Variants in JADE3 observed in about 807,000 individuals in gnomAD.
The protein encoded by JADE3 is jade family PHD finger 3.
A neutral mutation model predicts 50.1 loss-of-function variants in JADE3; 2 were observed. The ratio of observed to expected loss-of-function variants is 0.04; its 90% CI spans 0.02 to 0.13. JADE3 has a LOEUF of 0.13. Among genes scored for constraint, JADE3 ranks in the 10% least tolerant of loss-of-function variants. The pLI is 1.00. For synonymous variants in JADE3, 218 were observed against 232.9 expected (o/e 0.94, Z 0.58); for missense variants, 475 against 634.4 (o/e 0.75, Z 2.70).
In JADE3 at chrX:46,974,067, C is replaced by T. The variant is rs373827865; in HGVS notation, c.-11-10817C>T. On this transcript the variant is annotated intron_variant, in intron 1 of 10. Coordinates refer to ENST00000614628, the MANE Select transcript of JADE3 (RefSeq NM_014735.5). ...TGCACTCCAGCCTGGGCAACAAGAGCGAAACTCCATCTCAGAAAACAAAAC... is the reference window on the plus strand; with the variant it reads ...TGCACTCCAGCCTGGGCAACAAGAGTGAAACTCCATCTCAGAAAACAAAAC... 7.3e-4 allele frequency among the ~76,000 whole-genome samples: 77 copies of T among 105,702 alleles called. No homozygotes were observed. In the South Asian group the frequency reaches 0.028, roughly 38 times the overall value. 91.8% of individuals were successfully genotyped at this position (105,702 alleles called of 115,157 possible).
rs782162303 is a variant in JADE3 at position 47,028,326 on chromosome X, G to C, written c.687+223G>C. Reference sequence around the variant, plus strand: ...ATGGGGCTAAACCCAGGTCTTTATTGTGTCACTTTATGCCCAGACCATTGG... The same window carrying C: ...ATGGGGCTAAACCCAGGTCTTTATTCTGTCACTTTATGCCCAGACCATTGG... On this transcript the variant is annotated intron_variant, in intron 6 of 10. Transcript: ENST00000614628. 4.5e-5 allele frequency among the ~76,000 whole-genome samples: 5 copies of C among 110,055 alleles called. No individual in the cohort carries two copies. In the Admixed American group the frequency reaches 4.8e-4, roughly 11 times the overall value.
chrX:47,045,023 G>A (rs936668053), intron 8 of JADE3, among the ~76,000 whole-genome samples: 14 of 111,232 alleles, frequency 1.3e-4, no homozygotes, highest in Non-Finnish European at 2.6e-4. Flanking sequence ...AAGAAGGAAG[G>A]AAGAAAAGAC....
chrX:46,965,024 G>T (rs1556348668), intron 1 of JADE3, among the ~76,000 whole-genome samples: 1 of 111,753 alleles, frequency 8.9e-6, no homozygotes, highest in Non-Finnish European at 1.9e-5. Flanking sequence ...CTTTAAAAGT[G>T]ATAATAAAGT....
At chrX:47,038,255 A>G (rs1294041372) in intron 7 of JADE3, among the ~76,000 whole-genome samples, 2 of 111,766 alleles carry the variant, frequency 1.8e-5, no homozygotes, top group African/African-American at 6.5e-5. Flanking sequence ...TGCAAAAAAT[A>G]TGGGAGTGCA....
chrX:47,048,376 C>T (rs1929423132), intron 8 of JADE3, among the ~76,000 whole-genome samples: 1 of 111,746 alleles, frequency 8.9e-6, no homozygotes, highest in Non-Finnish European at 1.9e-5. Flanking sequence ...AAACATATAT[C>T]CACACAAAAA....
At chrX:47,003,903 A>G (rs1206372725) in intron 4 of JADE3, among the ~76,000 whole-genome samples, 2 of 102,084 alleles carry the variant, frequency 2.0e-5, no homozygotes, top group African/African-American at 3.5e-5. Context: ...TTTATTATAT[A>G]TATAAATTTA....
chrX:47,057,023 A>T, intron 10 of JADE3, among the ~76,000 whole-genome samples: 1 of 111,948 alleles, frequency 8.9e-6, no homozygotes, highest in Non-Finnish European at 1.9e-5. Context: ...GTCTCAACAG[A>T]GTAGTGTAGC....
At chrX:47,024,973 C>A in intron 5 of JADE3, 59 bp downstream of exon 5, 1 of 626,830 alleles carries the variant, frequency 1.6e-6, no homozygotes, top group South Asian at 3.7e-5. Flanking sequence ...TTTAAGTTAT[C>A]AGAACCCTTT....
chrX:46,998,254 C>A lies in JADE3; in HGVS notation c.261C>A (p.Asp87Glu), dbSNP rs782123950. 1.7e-6 allele frequency: 2 copies of A among 1,208,217 alleles called. No homozygotes were observed. The highest frequency in any genetic ancestry group is 2.2e-6 in the Non-Finnish European group (2 of 893,536). Residue 87 changes from aspartate to glutamate, a missense_variant, in exon 4 of 11, where the codon GAC becomes GAA. This residue lies in a region of JADE3 where 54 missense variants were observed against 51.8 expected (regional missense o/e 1.04). Coordinates refer to ENST00000614628, the MANE Select transcript of JADE3 (RefSeq NM_014735.5). ...EKGVQVPASPDTVPQPSLRII... is the reference protein window; with the variant it reads ...EKGVQVPASPETVPQPSLRII... ...GAGTCCAGGTACCAGCCAGTCCAGA[C>A]ACCGTTCCACAGCCTTCTCTCAGGT...
At chrX:47,011,300 G>A (rs1048123098) in intron 4 of JADE3, among the ~76,000 whole-genome samples, 85 of 112,106 alleles carry the variant, frequency 7.6e-4, no homozygotes, top group African/African-American at 2.6e-3. Flanking sequence ...AAGTTCATCC[G>A]TGTTATATGT....
intron 1 of JADE3, among the ~76,000 whole-genome samples, chrX:46,925,028 C>T (rs1315146478): frequency 9.0e-6 from 1 of 111,693 alleles, no homozygotes; most frequent in Non-Finnish European, 1.9e-5. Context: ...CCAAGGGGTC[C>T]CCAAGGGCAG....
At chrX:47,013,976 G>A (rs782818656) in intron 4 of JADE3, among the ~76,000 whole-genome samples, 45 of 111,944 alleles carry the variant, frequency 4.0e-4, no homozygotes, top group African/African-American at 1.4e-3. Flanking sequence ...ACCCACTTTT[G>A]CTTTGACTGG....
intron 1 of JADE3, among the ~76,000 whole-genome samples, chrX:46,953,682 G>A (rs1332169748): frequency 8.9e-6 from 1 of 112,098 alleles, no homozygotes; most frequent in African/African-American, 3.2e-5. Context: ...CTAAGAGTAA[G>A]CAGATTAGCT....
At chrX:46,970,732 C>T (rs1927464829) in intron 1 of JADE3, among the ~76,000 whole-genome samples, 1 of 111,459 alleles carries the variant, frequency 9.0e-6, no homozygotes, top group Admixed American at 9.5e-5. Flanking sequence ...GTTTACATGC[C>T]TCACATATAA....
Position 47,024,758 on chromosome X carries a change from A to T in JADE3, c.319A>T (p.Ile107Phe). Residue 107 changes from isoleucine to phenylalanine, a missense_variant, in exon 5 of 11, where the codon ATC (isoleucine) becomes TTC (phenylalanine). Around this residue, in one of 6 missense-constraint regions of JADE3, gnomAD observed 54 missense variants for 51.8 expected, o/e 1.04. Transcript: ENST00000614628. ...IAEKVKDVLF[I>F]RPRKYIHCSS... ...TGAGAAGGTAAAGGACGTTCTGTTT[A>T]TCCGACCCCGGAAGTATATTCACTG... 1 of 1,199,169 alleles carries T rather than the reference A, an allele frequency of 8.3e-7. No homozygotes were observed. The highest frequency in any genetic ancestry group is 3.0e-5 in the East Asian group (1 of 33,648).
At chrX:47,022,850 G>C (rs1928825125) in intron 4 of JADE3, among the ~76,000 whole-genome samples, 1 of 110,704 alleles carries the variant, frequency 9.0e-6, no homozygotes. Flanking sequence ...TGAGCCCTTG[G>C]ATGTCAGGAA....
intron 1 of JADE3, among the ~76,000 whole-genome samples, chrX:46,969,249 C>G (rs1927431939): frequency 9.1e-6 from 1 of 110,236 alleles, no homozygotes; most frequent in South Asian, 3.9e-4. Flanking sequence ...AATCCCCTCT[C>G]TACTAAAAAT....
intron 4 of JADE3, among the ~76,000 whole-genome samples, chrX:47,005,075 GT>G (rs1170858636): frequency 3.6e-5 from 4 of 111,289 alleles, no homozygotes. Context: ...GAACAACCCA[GT>G]TTTATGTTCC....
chrX:47,005,481 T>C (rs1928394052), intron 4 of JADE3, among the ~76,000 whole-genome samples: 1 of 111,839 alleles, frequency 8.9e-6, no homozygotes, highest in Non-Finnish European at 1.9e-5. Flanking sequence ...CCTCAAGTGA[T>C]CCACCCACTT....
Sources: allele counts gnomAD v4.1 joint callset (sites outside exome capture counted in the v4.1 genomes callset), GRCh38; gene constraint gnomAD v4.1.1; regional missense constraint gnomAD v4.1.1; transcripts MANE v1.5; gene names NCBI Gene and HGNC (gene_info 2026-07-23, HGNC 2026-07-21).